IQCH: variants seen among roughly 807,000 people sequenced by gnomAD.
IQCH encodes the protein IQ domain-containing protein H.
In IQCH, 98 loss-of-function variants were observed where a neutral mutation model predicts 117.0. The observed-to-expected ratio is 0.84, with a 90% CI of 0.71 to 0.99. IQCH has a LOEUF of 0.99. Among genes scored for constraint, IQCH ranks in the 50% least tolerant of loss-of-function variants. The probability of loss-of-function intolerance (pLI) is 0.00; values close to 1 mark genes in which losing one functional copy is unlikely to be tolerated. For synonymous variants in IQCH, 412 were observed against 448.2 expected, an observed-to-expected ratio of 0.92 and a Z score of 1.02; for missense variants, 1,102 against 1,243.8, an observed-to-expected ratio of 0.89 and a Z score of 1.72.
chr15:67,344,719 T>C (rs1969312309), intron 6 of IQCH, among the ~76,000 whole-genome samples: 1 of 152,232 alleles, frequency 6.6e-6, no homozygotes, highest in Non-Finnish European at 1.5e-5. Context: ...TTGAACTATG[T>C]TGGGGTACTG....
At chr15:67,498,226 G>A (rs1270238934) in intron 20 of IQCH, among the ~76,000 whole-genome samples, 4 of 152,086 alleles carry the variant, frequency 2.6e-5, no homozygotes, top group Non-Finnish European at 5.9e-5. Flanking sequence ...TTTTGGCAAG[G>A]GTGCTGAAAC....
chr15:67,282,380 A>T (rs1966395993), intron 4 of IQCH: 1 of 151,950 alleles, frequency 6.6e-6, no homozygotes. Flanking sequence ...TATGGCCAGA[A>T]ATTTATTTGC....
At chr15:67,389,195 T>C (rs1971202490) in intron 12 of IQCH, among the ~76,000 whole-genome samples, 189 bp downstream of exon 12, 1 of 152,246 alleles carries the variant, frequency 6.6e-6, no homozygotes, top group African/African-American at 2.4e-5. Flanking sequence ...TTAGTGGAGC[T>C]ACCCCTGCCC....
At chr15:67,455,687 T>C (rs1334330208) in intron 16 of IQCH, among the ~76,000 whole-genome samples, 1 of 152,208 alleles carries the variant, frequency 6.6e-6, no homozygotes, top group Non-Finnish European at 1.5e-5. Flanking sequence ...AGAGCTCTTC[T>C]GCTTTGAAAA....
chr15:67,291,286 A>G (rs995396387), intron 4 of IQCH, among the ~76,000 whole-genome samples: 2 of 152,216 alleles, frequency 1.3e-5, no homozygotes, highest in African/African-American at 4.8e-5. Context: ...ATAAATGCAT[A>G]GTTTCCCAAA....
chr15:67,381,436 T>C lies in IQCH; in HGVS notation c.1373-3500T>C, dbSNP rs930428084. On this transcript the variant is annotated intron_variant, in intron 10 of 20. Coordinates refer to ENST00000335894, the MANE Select transcript of IQCH (RefSeq NM_001031715.3). This position sits in a 1 kb window ranked among gnomAD's most constrained non-coding sequence, Gnocchi z 5.1. Reference sequence around the variant, plus strand: ...GAAAAGACGGAACTCTCTATCAAACTAGGAATATTTTGCGGGAAATGAGAA... The same window carrying C: ...GAAAAGACGGAACTCTCTATCAAACCAGGAATATTTTGCGGGAAATGAGAA... Among the ~76,000 whole-genome samples the C allele has an allele frequency of 3.9e-5, 6 of 152,106 alleles. No homozygotes were observed. The highest frequency in any genetic ancestry group is 2.0e-4 in the Admixed American group (3 of 15,256).
Position 67,370,999 on chromosome 15 carries a change from A to C in IQCH, c.754-1112A>C, listed in dbSNP as rs532751917. ...TCTTTGAGTTTTTTGAAAACTCTTC[A>C]AAATGCGAAGAGTAATAATAACCCC... On this transcript the variant is annotated intron_variant, in intron 8 of 20. Transcript: ENST00000335894. The surrounding 1 kb of genome is among the most constrained non-coding windows in gnomAD (Gnocchi z 5.6). Among the ~76,000 whole-genome samples the C allele has an allele frequency of 1.1e-4, 16 of 152,260 alleles. No individual in the cohort carries two copies. The East Asian group carries it at 2.7e-3, about 26-fold the overall frequency.
chr15:67,324,515 C>G (rs1968309755), intron 4 of IQCH, among the ~76,000 whole-genome samples: 1 of 148,184 alleles, frequency 6.7e-6, no homozygotes, highest in Non-Finnish European at 1.5e-5. Flanking sequence ...GAGGCTGAGA[C>G]AGGAGAATTG....
chr15:67,498,408 G>C (rs1567239642), intron 20 of IQCH, among the ~76,000 whole-genome samples: 1 of 152,024 alleles, frequency 6.6e-6, no homozygotes, highest in Admixed American at 6.5e-5. Context: ...CTGAGGTCAG[G>C]AGTTCGAGAC....
At chr15:67,299,210 A>G (rs186461956) in intron 4 of IQCH, among the ~76,000 whole-genome samples, 300 of 152,268 alleles carry the variant, frequency 2.0e-3, no homozygotes, top group African/African-American at 6.6e-3. Flanking sequence ...TGTGGAAGCT[A>G]AAAATTAAAA....
Position 67,466,491 on chromosome 15 carries a change from T to C in IQCH, c.2676+1194T>C, listed in dbSNP as rs1265392307. On this transcript the variant is annotated intron_variant, in intron 17 of 20. Transcript: ENST00000335894. This position sits in a 1 kb window ranked among gnomAD's most constrained non-coding sequence, Gnocchi z 4.4. Reference sequence around the variant, plus strand: ...GGACCCAACATGAGTGTCCCAGAGATACCTTTTCCAAGCGGTCTCCTGCCT... The same window carrying C: ...GGACCCAACATGAGTGTCCCAGAGACACCTTTTCCAAGCGGTCTCCTGCCT... 4 of 152,202 alleles carry C rather than the reference T, an allele frequency of 2.6e-5. No individual in the cohort carries two copies. Among genetic ancestry groups the C allele is most frequent in the Admixed American group, 2.6e-4 (4 of 15,270 alleles). 9.4% of individuals were successfully genotyped at this position (152,202 alleles called of 1,614,324 possible). A position where few individuals can be genotyped will look rare whatever the true frequency, so the allele number is the denominator to read the frequency against.
At chr15:67,371,561 G>A (rs1237915210) in intron 8 of IQCH, 4 of 1,339,606 alleles carry the variant, frequency 3.0e-6, no homozygotes, top group Non-Finnish European at 4.2e-6. Context: ...AATGTTCCTT[G>A]TAAAAATGAC....
intron 10 of IQCH, among the ~76,000 whole-genome samples, chr15:67,380,197 T>A (rs1230528479): frequency 6.6e-6 from 1 of 152,228 alleles, no homozygotes. Flanking sequence ...TACAACTGGC[T>A]TTAGTTGCAT....
chr15:67,298,478 G>A (rs1034517205), intron 4 of IQCH, among the ~76,000 whole-genome samples: 6 of 152,054 alleles, frequency 3.9e-5, no homozygotes, highest in Non-Finnish European at 7.4e-5. Flanking sequence ...ACAAATGCTG[G>A]CAAGTATGTG....
In IQCH at chr15:67,279,391, T is replaced by A; in HGVS notation, c.270-4T>A. On this transcript the variant is annotated splice_region_variant and splice_polypyrimidine_tract_variant and intron_variant, in intron 3 of 20. Transcript: ENST00000335894. ...GATTTTAAATTCCATTTCTTCTTAC[T>A]TAGGTTACTTCCAACTGTAATTGAT... 6.8e-7 allele frequency: 1 copy of A among 1,478,216 alleles called. No individual in the cohort carries two copies. The highest frequency in any genetic ancestry group is 9.4e-7 in the Non-Finnish European group (1 of 1,066,218). The allele number at this position is 1,478,216 out of a possible 1,614,324, so 91.6% of individuals were successfully genotyped here. A position where few individuals can be genotyped will look rare whatever the true frequency, so the allele number is the denominator to read the frequency against.
intron 4 of IQCH, among the ~76,000 whole-genome samples, chr15:67,310,643 T>A (rs1340042071): frequency 6.6e-6 from 1 of 152,142 alleles, no homozygotes; most frequent in Non-Finnish European, 1.5e-5. Context: ...AGCCATATCA[T>A]GATAGTGTAG....
chr15:67,357,234 C>T (rs1969925622), intron 6 of IQCH, 111 bp from the exon 7 acceptor site: 2 of 740,590 alleles, frequency 2.7e-6, no homozygotes, highest in African/African-American at 1.7e-5. Flanking sequence ...GTAGTGAGCG[C>T]ACAGTGGGTG....
rs973925461 is a variant in IQCH at position 67,426,752 on chromosome 15, T to C, written c.2505+5175T>C. Among the ~76,000 whole-genome samples, 3 of 152,136 alleles carry C rather than the reference T, an allele frequency of 2.0e-5. No homozygotes were observed. Among genetic ancestry groups the C allele is most frequent in the Admixed American group, 2.0e-4 (3 of 15,272 alleles). On this transcript the variant is annotated intron_variant, in intron 16 of 20. Coordinates refer to ENST00000335894, the MANE Select transcript of IQCH (RefSeq NM_001031715.3). The surrounding 1 kb of genome is among the most constrained non-coding windows in gnomAD (Gnocchi z 5.1). ...ACTTTGGGAGGCTGAGGCAGGAGAA[T>C]TGCTTGAGCTCAGGAGTTCAATACC... is the stretch of plus-strand genomic sequence containing the variant.
chr15:67,274,131 T>C (rs924121322), intron 3 of IQCH, among the ~76,000 whole-genome samples: 3 of 152,222 alleles, frequency 2.0e-5, no homozygotes, highest in Admixed American at 1.3e-4. Context: ...TTGATTAGTA[T>C]ATGTTGGGAT....
Sources: gnomAD v4.1 joint callset for allele counts (sites outside exome capture counted in the v4.1 genomes callset) on GRCh38, gnomAD v4.1.1 for gene constraint, Gnocchi (gnomAD v3.1) non-coding constraint, MANE v1.5 for transcripts, NCBI Gene and HGNC (gene_info 2026-07-23, HGNC 2026-07-21) for gene names.